Variants in GALNT17 observed in about 807,000 individuals in gnomAD.
GALNT17 encodes polypeptide N-acetylgalactosaminyltransferase 17.
GALNT17 carries 29 observed loss-of-function variants against 63.7 expected under a neutral mutation model. The ratio of observed to expected loss-of-function variants is 0.46; its 90% CI spans 0.34 to 0.62. GALNT17 has a LOEUF of 0.62. Among genes scored for constraint, GALNT17 ranks in the 20% least tolerant of loss-of-function variants. The pLI is 0.01. For synonymous variants in GALNT17, 305 were observed against 318.3 expected, an observed-to-expected ratio of 0.96 and a Z score of 0.45; for missense variants, 603 against 799.6, an observed-to-expected ratio of 0.75 and a Z score of 2.97.
intron 1 of GALNT17, among the ~76,000 whole-genome samples, chr7:71,197,497 C>T (rs563807907): frequency 1.3e-5 from 2 of 151,896 alleles, no homozygotes; most frequent in African/African-American, 2.4e-5. Flanking sequence ...CATGAGACAC[C>T]GCGCCTGGCC....
At chr7:71,464,903 C>G (rs1324146413) in intron 5 of GALNT17, among the ~76,000 whole-genome samples, 1 of 152,068 alleles carries the variant, frequency 6.6e-6, no homozygotes, top group African/African-American at 2.4e-5. Context: ...GCAGGACAGC[C>G]AATAAGTAAA....
intron 1 of GALNT17, among the ~76,000 whole-genome samples, chr7:71,182,927 A>G (rs545688620): frequency 3.3e-5 from 5 of 152,264 alleles, no homozygotes; most frequent in South Asian, 2.1e-4. Context: ...TGAACCACTT[A>G]AAGTTTTCAG....
intron 5 of GALNT17, among the ~76,000 whole-genome samples, chr7:71,484,717 A>G (rs373749954): frequency 6.6e-6 from 1 of 151,884 alleles, no homozygotes; most frequent in East Asian, 1.9e-4. Flanking sequence ...TATGTGGTGC[A>G]TGACTGCATA....
chr7:71,242,592 T>C (rs772001586), intron 1 of GALNT17, among the ~76,000 whole-genome samples: 54 of 151,804 alleles, frequency 3.6e-4, no homozygotes, highest in Admixed American at 2.6e-3. Flanking sequence ...AACATGGAGA[T>C]TTGGAGGGGA....
chr7:71,629,087 A>G (rs1360527155), intron 6 of GALNT17, among the ~76,000 whole-genome samples: 1 of 152,130 alleles, frequency 6.6e-6, no homozygotes, highest in Non-Finnish European at 1.5e-5. Context: ...AGAAGGGTCA[A>G]GAGGAGTTGG....
At chr7:71,663,522 C>A (rs1033321492) in intron 6 of GALNT17, among the ~76,000 whole-genome samples, 1 of 152,168 alleles carries the variant, frequency 6.6e-6, no homozygotes, top group South Asian at 2.1e-4. Context: ...CTGGGTCTAA[C>A]CTAACATGCG....
At chr7:71,381,243 G>A (rs1047995001) in intron 2 of GALNT17, among the ~76,000 whole-genome samples, 2 of 152,036 alleles carry the variant, frequency 1.3e-5, no homozygotes, top group African/African-American at 2.4e-5. Context: ...TTCCAGGCGT[G>A]AGCCACCACG....
At chr7:71,353,784 C>G (rs531890335) in intron 2 of GALNT17, among the ~76,000 whole-genome samples, 1 of 152,098 alleles carries the variant, frequency 6.6e-6, no homozygotes, top group Non-Finnish European at 1.5e-5. Flanking sequence ...AATATTGATT[C>G]CTGGGTTAAA....
chr7:71,364,350 G>T (rs960427966), intron 2 of GALNT17, among the ~76,000 whole-genome samples: 20 of 152,130 alleles, frequency 1.3e-4, no homozygotes, highest in Admixed American at 1.2e-3. Flanking sequence ...CCTTCTCTGA[G>T]TGTCCTGGAT....
At chr7:71,356,473 C>T (rs1047299513) in intron 2 of GALNT17, among the ~76,000 whole-genome samples, 1 of 152,194 alleles carries the variant, frequency 6.6e-6, no homozygotes, top group Non-Finnish European at 1.5e-5. Context: ...TGTCAAAGGC[C>T]TGAGGCTGTG....
At chr7:71,570,795 C>T (rs1441634984) in intron 5 of GALNT17, among the ~76,000 whole-genome samples, 1 of 152,070 alleles carries the variant, frequency 6.6e-6, no homozygotes, top group Non-Finnish European at 1.5e-5. Flanking sequence ...GCCTGACCAA[C>T]ATGGAGAAAC....
At chr7:71,615,975 C>A (rs1790195990) in intron 6 of GALNT17, among the ~76,000 whole-genome samples, 1 of 152,062 alleles carries the variant, frequency 6.6e-6, no homozygotes, top group Admixed American at 6.6e-5. Context: ...CACAAGGCAG[C>A]AGGAAAAGCC....
At chr7:71,226,699 C>T (rs778140893) in intron 1 of GALNT17, among the ~76,000 whole-genome samples, 3 of 152,194 alleles carry the variant, frequency 2.0e-5, no homozygotes, top group East Asian at 3.9e-4. Context: ...AGGCTGGTCT[C>T]GAACTCCTGA....
chr7:71,711,870 C>G, intron 10 of GALNT17, 148 bp from the exon 11 acceptor site: 1 of 843,036 alleles, frequency 1.2e-6, no homozygotes, highest in Non-Finnish European at 1.8e-6. Flanking sequence ...CTCTTTGCCT[C>G]TTTCTCTGTC....
intron 5 of GALNT17, among the ~76,000 whole-genome samples, chr7:71,495,110 T>TA (rs888920515): frequency 5.9e-5 from 9 of 151,512 alleles, no homozygotes; most frequent in Admixed American, 1.3e-4. Context: ...CTGTCTCTAC[T>TA]AAAAAAAATA....
At chr7:71,469,437 CGGG>C (rs1563116168) in intron 5 of GALNT17, among the ~76,000 whole-genome samples, 1 of 152,152 alleles carries the variant, frequency 6.6e-6, no homozygotes, top group Non-Finnish European at 1.5e-5. Flanking sequence ...ATTTACAAAC[CGGG>C]CAACCCCTGA....
At chr7:71,154,545 TAATA>T (rs911287211) in intron 1 of GALNT17, among the ~76,000 whole-genome samples, 1 of 152,202 alleles carries the variant, frequency 6.6e-6, no homozygotes, top group Non-Finnish European at 1.5e-5. Context: ...ATGCTAACCG[TAATA>T]AATGTAACAA....
chr7:71,444,904 T>C (rs769032191), intron 5 of GALNT17, among the ~76,000 whole-genome samples: 3 of 152,164 alleles, frequency 2.0e-5, no homozygotes, highest in Non-Finnish European at 4.4e-5. Context: ...CAAATGACTC[T>C]CCAGGAGAAC....
chr7:71,551,827 C>T (rs921002003), intron 5 of GALNT17, among the ~76,000 whole-genome samples: 4 of 151,178 alleles, frequency 2.6e-5, no homozygotes, highest in East Asian at 1.9e-4. Context: ...AATTTGTAAC[C>T]GAGGACGGTG....
Sources: gnomAD v4.1 joint callset for allele counts (sites outside exome capture counted in the v4.1 genomes callset) on GRCh38, gnomAD v4.1.1 for gene constraint, MANE v1.5 for transcripts, NCBI Gene and HGNC (gene_info 2026-07-23, HGNC 2026-07-21) for gene names.